Variants in PRDM6 observed in about 807,000 individuals in gnomAD.
The protein encoded by PRDM6 is putative histone-lysine N-methyltransferase PRDM6.
In PRDM6, 25 loss-of-function variants were observed where a neutral mutation model predicts 60.8. The ratio of observed to expected loss-of-function variants is 0.41; its 90% CI spans 0.30 to 0.57. The LOEUF (loss-of-function observed/expected upper bound fraction) is 0.57. Among genes scored for constraint, PRDM6 ranks in the 20% least tolerant of loss-of-function variants. PRDM6 has a pLI of 0.27. For missense variants in PRDM6, 839 were observed against 821.3 expected (o/e 1.02, Z -0.26); for synonymous variants, 407 against 357.4 (o/e 1.14, Z -1.57).
In PRDM6 at chr5:123,182,816, G is replaced by T. The variant is rs1051729536; in HGVS notation, c.1673+2493G>T. On this transcript the variant is annotated intron_variant, in intron 7 of 7. Transcript: ENST00000407847. ...ATCTAGACAGCCACATGCTGTAGTT[G>T]TTTTTTTTTATTTTAATTTATCAAA... Among the ~76,000 whole-genome samples the T allele has an allele frequency of 1.1e-4, 16 of 151,434 alleles. No homozygotes were observed. In the East Asian group the frequency reaches 3.1e-3, roughly 29 times the overall value.
chr5:123,169,221 AAAG>A (rs762303525), intron 5 of PRDM6, among the ~76,000 whole-genome samples: 1 of 152,370 alleles, frequency 6.6e-6, no homozygotes, highest in East Asian at 1.9e-4. Context: ...TAAAATAAAA[AAAG>A]AAGAATTTTT....
chr5:123,172,662 G>A (rs923563467), intron 6 of PRDM6, among the ~76,000 whole-genome samples: 2 of 152,166 alleles, frequency 1.3e-5, no homozygotes, highest in Non-Finnish European at 2.9e-5. Context: ...TTTAAATAGA[G>A]TGAATTCAGA....
At position 123,110,861 on chromosome 5, in the gene PRDM6, G is replaced by A. The variant is rs566117362; in HGVS notation, c.900+10900G>A. Among the ~76,000 whole-genome samples, 4 of 151,980 alleles carry A rather than the reference G, an allele frequency of 2.6e-5. No homozygotes were observed. The South Asian group carries it at 6.3e-4, about 24-fold the overall frequency. On this transcript the variant is annotated intron_variant, in intron 3 of 7. Transcript: ENST00000407847. ...ATTTCAGGTGTGAGCCACCACGTCC[G>A]GCAGTTTTTACTTTTATGGCAACCT...
At chr5:123,119,183 A>G (rs1297409102) in intron 3 of PRDM6, among the ~76,000 whole-genome samples, 1 of 152,160 alleles carries the variant, frequency 6.6e-6, no homozygotes, top group African/African-American at 2.4e-5. Flanking sequence ...TAAACAAACA[A>G]GAAAAAAACT....
chr5:123,109,928 A>G (rs912704756), intron 3 of PRDM6, among the ~76,000 whole-genome samples: 2 of 152,238 alleles, frequency 1.3e-5, no homozygotes, highest in African/African-American at 2.4e-5. Flanking sequence ...GACACTGGAT[A>G]TTGAATTCTG....
At chr5:123,186,780 A>G (rs1405029691) in intron 7 of PRDM6, among the ~76,000 whole-genome samples, 4 of 152,144 alleles carry the variant, frequency 2.6e-5, no homozygotes, top group Admixed American at 6.6e-5. Context: ...TTGATGGCTC[A>G]CTCCTAAAAA....
intron 3 of PRDM6, among the ~76,000 whole-genome samples, chr5:123,137,163 T>C (rs911386552): frequency 5.9e-5 from 9 of 152,212 alleles, no homozygotes; most frequent in Non-Finnish European, 8.8e-5. Context: ...TACCCATTTC[T>C]AAGTTACTTG....
At chr5:123,159,416 A>T in intron 4 of PRDM6, 98 bp from the exon 5 acceptor site, 1 of 1,333,960 alleles carries the variant, frequency 7.5e-7, no homozygotes, top group Non-Finnish European at 1.0e-6. Context: ...AACTGTTTAG[A>T]TGGAGCTGCG....
chr5:123,120,448 T>G (rs1263328230), intron 3 of PRDM6, among the ~76,000 whole-genome samples: 1 of 152,104 alleles, frequency 6.6e-6, no homozygotes, highest in African/African-American at 2.4e-5. Flanking sequence ...AGCAGTTCAG[T>G]GGGGTGGTGG....
intron 3 of PRDM6, among the ~76,000 whole-genome samples, chr5:123,152,275 T>C (rs1765385108): frequency 6.6e-6 from 1 of 152,112 alleles, no homozygotes; most frequent in Non-Finnish European, 1.5e-5. Flanking sequence ...GTGAAGTAAG[T>C]AGCATGTAAG....
At chr5:123,095,339 AC>A (rs1199747955) in intron 2 of PRDM6, among the ~76,000 whole-genome samples, 1 of 152,084 alleles carries the variant, frequency 6.6e-6, no homozygotes, top group East Asian at 1.9e-4. Context: ...TGGGCGCCCC[AC>A]CCCGCCCATC....
intron 3 of PRDM6, among the ~76,000 whole-genome samples, chr5:123,124,490 C>G (rs1764650742): frequency 6.6e-6 from 1 of 152,106 alleles, no homozygotes; most frequent in Non-Finnish European, 1.5e-5. Flanking sequence ...ATGTATTTAC[C>G]CAAATCTGTT....
chr5:123,189,375 C>T lies in PRDM6; in HGVS notation c.*2174C>T, dbSNP rs1766359283. The stretch of plus-strand genomic sequence containing the variant: ...TTTTTTTTCATTTGAAAAATCAGCT[C>T]AGCCATTTGCCACATTTCACAGTGG... On this transcript the variant is annotated 3_prime_UTR_variant, in exon 8 of 8. Coordinates refer to ENST00000407847, the MANE Select transcript of PRDM6 (RefSeq NM_001136239.4). The T allele has an allele frequency of 6.6e-6, 1 of 152,026 alleles. No individual in the cohort carries two copies. Among genetic ancestry groups the T allele is most frequent in the Non-Finnish European group, 1.5e-5 (1 of 68,008 alleles). 9.4% of individuals were successfully genotyped at this position (152,026 alleles called of 1,614,324 possible).
chr5:123,130,681 C>T (rs189960833), intron 3 of PRDM6, among the ~76,000 whole-genome samples: 3 of 151,996 alleles, frequency 2.0e-5, no homozygotes, highest in Admixed American at 2.0e-4. Flanking sequence ...TCTTCTGCCT[C>T]AGCCTCCTCA....
intron 3 of PRDM6, among the ~76,000 whole-genome samples, chr5:123,109,507 C>A (rs560109899): frequency 6.6e-6 from 1 of 152,098 alleles, no homozygotes; most frequent in East Asian, 1.9e-4. Flanking sequence ...AATGGTAGAC[C>A]ATGATACATC....
At chr5:123,160,033 C>CA (rs1765591891) in intron 5 of PRDM6, among the ~76,000 whole-genome samples, 2 of 152,158 alleles carry the variant, frequency 1.3e-5, no homozygotes, top group African/African-American at 4.8e-5. Context: ...ACACTGTATG[C>CA]AAAAATGAAG....
At chr5:123,156,580 A>G (rs1199557340) in intron 4 of PRDM6, among the ~76,000 whole-genome samples, 3 of 152,064 alleles carry the variant, frequency 2.0e-5, no homozygotes, top group Non-Finnish European at 4.4e-5. Context: ...ATGATTCAGG[A>G]TTTGTTTCAG....
rs535001964 is a variant in PRDM6, at chr5:123,098,156, A to G, written c.593-1498A>G. On this transcript the variant is annotated intron_variant, in intron 2 of 7. Transcript: ENST00000407847. Reference sequence around the variant, plus strand: ...GGTCATTTCAGCGCAGATAGGGCACATCCAGGGTGATCCAACAGGCCTGGC... The same window carrying G: ...GGTCATTTCAGCGCAGATAGGGCACGTCCAGGGTGATCCAACAGGCCTGGC... Among the ~76,000 whole-genome samples, 4 of 152,366 alleles carry G rather than the reference A, an allele frequency of 2.6e-5. No homozygotes were observed. The East Asian group carries it at 7.7e-4, about 29-fold the overall frequency.
chr5:123,180,275 C>A lies in PRDM6; in HGVS notation c.1625C>A (p.Thr542Asn), dbSNP rs774572280. 1 of 1,551,710 alleles carries A rather than the reference C, an allele frequency of 6.4e-7. No homozygotes were observed. Among genetic ancestry groups the A allele is most frequent in the South Asian group, 1.2e-5 (1 of 84,052 alleles). The change falls in exon 7 of 8, where the codon ACC becomes AAC. Residue 542 changes from threonine to asparagine, a missense_variant. Transcript: ENST00000407847. Reference protein sequence around the residue: ...GYCGRAFAGATTLNNHIRTHT... With the variant: ...GYCGRAFAGANTLNNHIRTHT... Reference sequence around the variant, plus strand: ...TGTGGTCGTGCCTTTGCCGGGGCCACCACCCTCAACAACCACATCCGAACC... The same window carrying A: ...TGTGGTCGTGCCTTTGCCGGGGCCAACACCCTCAACAACCACATCCGAACC...
Sources: allele counts gnomAD v4.1 joint callset (sites outside exome capture counted in the v4.1 genomes callset), GRCh38; gene constraint gnomAD v4.1.1; transcripts MANE v1.5; gene names NCBI Gene and HGNC (gene_info 2026-07-23, HGNC 2026-07-21).